The following PDS5B variants were observed in gnomAD, a reference collection of about 807,000 sequenced individuals.
The protein encoded by PDS5B is sister chromatid cohesion protein PDS5 homolog B.
A neutral mutation model predicts 184.1 loss-of-function variants in PDS5B; 51 were observed. The observed-to-expected ratio is 0.28, with a 90% confidence interval of 0.22 to 0.35. The LOEUF (loss-of-function observed/expected upper bound fraction) is 0.35, where lower values mean the gene tolerates loss of function less well. Among genes scored for constraint, PDS5B ranks in the 10% least tolerant of loss-of-function variants. The probability of loss-of-function intolerance (pLI) is 1.00; values close to 1 mark genes in which losing one functional copy is unlikely to be tolerated. For synonymous variants in PDS5B, 566 were observed against 569.2 expected (o/e 0.99, Z 0.08); for missense variants, 1,180 against 1,723.3 (o/e 0.68, Z 5.58).
At chr13:32,701,566 A>G in intron 17 of PDS5B, 128 bp downstream of exon 17, 1 of 566,012 alleles carries the variant, frequency 1.8e-6, no homozygotes. Context: ...CTCTGTATAT[A>G]CTCCTCTGCA....
intron 19 of PDS5B, among the ~76,000 whole-genome samples, chr13:32,715,233 T>C (rs1056390079): frequency 6.6e-6 from 1 of 152,140 alleles, no homozygotes; most frequent in African/African-American, 2.4e-5. Context: ...ACAGTATAAC[T>C]AAAGAATTTC....
chr13:32,632,598 A>C (rs553113991), intron 1 of PDS5B, among the ~76,000 whole-genome samples: 5 of 152,356 alleles, frequency 3.3e-5, no homozygotes, highest in African/African-American at 1.2e-4. Flanking sequence ...GTGGTTCTTC[A>C]AAAAGCTAAT....
At chr13:32,748,245 T>TGTCTC (rs1953832421) in intron 24 of PDS5B, among the ~76,000 whole-genome samples, 1 of 152,222 alleles carries the variant, frequency 6.6e-6, no homozygotes, top group Admixed American at 6.5e-5. Flanking sequence ...AATCTATCTT[T>TGTCTC]GTCTCTCTTA....
intron 21 of PDS5B, among the ~76,000 whole-genome samples, chr13:32,735,885 C>T (rs1415533663): frequency 2.0e-5 from 3 of 152,108 alleles, no homozygotes; most frequent in Non-Finnish European, 2.9e-5. Flanking sequence ...GTAGTGATAT[C>T]TGGGTTAATC....
At chr13:32,671,461 T>C (rs1950933475) in intron 7 of PDS5B, among the ~76,000 whole-genome samples, 1 of 152,184 alleles carries the variant, frequency 6.6e-6, no homozygotes, top group South Asian at 2.1e-4. Flanking sequence ...TGTTTTACTA[T>C]TTTTTAAGCA....
intron 1 of PDS5B, among the ~76,000 whole-genome samples, chr13:32,646,572 C>CTT (rs879369797): frequency 7.1e-6 from 1 of 140,648 alleles, no homozygotes; most frequent in African/African-American, 2.6e-5. Context: ...GCCTATTTAT[C>CTT]TTTTTTTTTT....
At chr13:32,612,051 T>C (rs1364517581) in intron 1 of PDS5B, among the ~76,000 whole-genome samples, 1 of 143,504 alleles carries the variant, frequency 7.0e-6, no homozygotes, top group African/African-American at 2.6e-5. Flanking sequence ...ACTGTGCATC[T>C]TTTTTTTTTT....
chr13:32,730,635 G>T (rs1458466300), intron 19 of PDS5B, among the ~76,000 whole-genome samples: 1 of 152,110 alleles, frequency 6.6e-6, no homozygotes, highest in Non-Finnish European at 1.5e-5. Flanking sequence ...GCAGTGGTTT[G>T]TAGTTCTTCT....
At chr13:32,732,703 TTTATA>T (rs1463039143) in intron 20 of PDS5B, among the ~76,000 whole-genome samples, 1 of 152,128 alleles carries the variant, frequency 6.6e-6, no homozygotes, top group African/African-American at 2.4e-5. Context: ...CAATATATAT[TTTATA>T]TTATTTTATC....
At chr13:32,672,942 G>A (rs146723050) in intron 7 of PDS5B, among the ~76,000 whole-genome samples, 244 of 152,312 alleles carry the variant, frequency 1.6e-3, no homozygotes, top group African/African-American at 5.6e-3. Flanking sequence ...ATATAGGATA[G>A]AATATAATCA....
intron 18 of PDS5B, among the ~76,000 whole-genome samples, chr13:32,709,728 G>C (rs1246121726): frequency 6.6e-6 from 1 of 151,980 alleles, no homozygotes; most frequent in African/African-American, 2.4e-5. Flanking sequence ...AATTTTGGAA[G>C]AAATTACTTC....
At chr13:32,698,103 T>G (rs999924044) in intron 15 of PDS5B, among the ~76,000 whole-genome samples, 1 of 152,030 alleles carries the variant, frequency 6.6e-6, no homozygotes, top group African/African-American at 2.4e-5. Flanking sequence ...TTTCCCAGAT[T>G]CTGTTTTCAA....
intron 19 of PDS5B, among the ~76,000 whole-genome samples, chr13:32,715,666 GTCTCCC>G (rs1952363656): frequency 6.6e-6 from 1 of 151,428 alleles, no homozygotes; most frequent in East Asian, 1.9e-4. Context: ...TCTCCCCACG[GTCTCCC>G]TCTCCCTCTC....
At chr13:32,746,287 A>G (rs919385124) in intron 24 of PDS5B, among the ~76,000 whole-genome samples, 187 bp downstream of exon 24, 19 of 152,218 alleles carry the variant, frequency 1.2e-4, no homozygotes, top group Admixed American at 3.3e-4. Flanking sequence ...CTAACATAGT[A>G]CAGTTGATCT....
chr13:32,605,494 A>G (rs946060572), intron 1 of PDS5B, among the ~76,000 whole-genome samples: 1 of 152,122 alleles, frequency 6.6e-6, no homozygotes, highest in Non-Finnish European at 1.5e-5. Flanking sequence ...ACTTCCAACT[A>G]TGTGGTCAAT....
intron 14 of PDS5B, 126 bp from the exon 15 acceptor site, chr13:32,696,728 G>T: frequency 1.5e-6 from 1 of 669,216 alleles, no homozygotes; most frequent in Non-Finnish European, 2.6e-6. Context: ...TGAAGAAGGT[G>T]ACAGTAGTGG....
chr13:32,752,025 A>G (rs1387015904), intron 24 of PDS5B, among the ~76,000 whole-genome samples: 2 of 152,040 alleles, frequency 1.3e-5, no homozygotes, highest in East Asian at 3.9e-4. Context: ...AAATTGTTAC[A>G]ATAGTAAGAA....
intron 19 of PDS5B, among the ~76,000 whole-genome samples, chr13:32,730,122 A>G (rs535871405): frequency 2.4e-4 from 36 of 152,254 alleles, no homozygotes; most frequent in African/African-American, 7.5e-4. Context: ...TAATTTTTGT[A>G]TAAGGTGTAA....
chr13:32,647,396 G>A (rs565332620), intron 1 of PDS5B, among the ~76,000 whole-genome samples: 18 of 152,144 alleles, frequency 1.2e-4, no homozygotes, highest in South Asian at 6.2e-4. Context: ...GCAGCCTCCC[G>A]AGTATCTGGG....
Sources: gnomAD v4.1 joint callset for allele counts (sites outside exome capture counted in the v4.1 genomes callset) on GRCh38, gnomAD v4.1.1 for gene constraint, MANE v1.5 for transcripts, NCBI Gene and HGNC (gene_info 2026-07-23, HGNC 2026-07-21) for gene names.